The following CDIN1 variants were observed in gnomAD, a reference collection of about 807,000 sequenced individuals.
The protein encoded by CDIN1 is CDAN1-interacting nuclease 1.
CDIN1 carries 33 observed loss-of-function variants against 45.3 expected under a neutral mutation model. The observed-to-expected ratio is 0.73, with a 90% confidence interval of 0.55 to 0.97. The LOEUF (loss-of-function observed/expected upper bound fraction) is 0.97. Ranked by LOEUF, CDIN1 falls within the 50% of genes least tolerant of loss-of-function variation. The pLI, the probability that CDIN1 is intolerant of heterozygous loss-of-function variation, is 0.00. For synonymous variants in CDIN1, 118 were observed against 124.4 expected (o/e 0.95, Z 0.34); for missense variants, 303 against 339.4 (o/e 0.89, Z 0.84).
chr15:36,613,620 C>T, intron 1 of CDIN1: 1 of 1,442,862 alleles, frequency 6.9e-7, no homozygotes, highest in Non-Finnish European at 9.7e-7. Flanking sequence ...GCTGAGGTGG[C>T]CTCCTTGAAC....
At chr15:36,647,989 G>A (rs886719785) in intron 3 of CDIN1, among the ~76,000 whole-genome samples, 7 of 152,132 alleles carry the variant, frequency 4.6e-5, no homozygotes, top group Admixed American at 3.3e-4. Flanking sequence ...ACAGGTGCCC[G>A]CCACCACGCC....
chr15:36,786,576 A>G (rs2054496677), intron 10 of CDIN1, among the ~76,000 whole-genome samples: 1 of 152,202 alleles, frequency 6.6e-6, no homozygotes, highest in South Asian at 2.1e-4. Flanking sequence ...ATGACACACA[A>G]GATCATATTA....
intron 10 of CDIN1, among the ~76,000 whole-genome samples, chr15:36,749,598 T>A (rs573578809): frequency 2.0e-5 from 3 of 152,236 alleles, no homozygotes; most frequent in Non-Finnish European, 4.4e-5. Flanking sequence ...TGTCTGCCGC[T>A]AGATCGGATC....
At chr15:36,799,426 A>ATCTC (rs1446380382) in intron 10 of CDIN1, 2 of 152,160 alleles carry the variant, frequency 1.3e-5, no homozygotes, top group African/African-American at 2.4e-5. Context: ...CAGTGAAATC[A>ATCTC]TCTCAATATA....
intron 10 of CDIN1, among the ~76,000 whole-genome samples, chr15:36,741,633 C>T (rs1217674717): frequency 2.6e-5 from 4 of 152,060 alleles, no homozygotes; most frequent in Admixed American, 1.3e-4. Context: ...ATCAAAGTAT[C>T]GGCAGGGCTG....
chr15:36,684,593 T>G (rs2041972641), intron 5 of CDIN1, among the ~76,000 whole-genome samples: 1 of 152,100 alleles, frequency 6.6e-6, no homozygotes, highest in Non-Finnish European at 1.5e-5. Context: ...GCTGGCCTCA[T>G]AAAATGAGTT....
intron 10 of CDIN1, among the ~76,000 whole-genome samples, chr15:36,734,763 T>C (rs1031469739): frequency 4.6e-5 from 7 of 152,226 alleles, no homozygotes; most frequent in African/African-American, 1.4e-4. Context: ...AATTACTCTT[T>C]CATTGAGAAT....
chr15:36,723,429 G>A (rs1403351570), intron 10 of CDIN1, among the ~76,000 whole-genome samples: 1 of 152,086 alleles, frequency 6.6e-6, no homozygotes, highest in Non-Finnish European at 1.5e-5. Flanking sequence ...GGTATTAAAA[G>A]TGAAGTCATT....
intron 10 of CDIN1, among the ~76,000 whole-genome samples, chr15:36,764,641 A>G (rs73385339): frequency 6.6e-6 from 1 of 152,212 alleles, no homozygotes; most frequent in Non-Finnish European, 1.5e-5. Flanking sequence ...CTTGACCAAC[A>G]GCTTAAATAT....
chr15:36,607,021 C>A (rs963788229), intron 1 of CDIN1, among the ~76,000 whole-genome samples: 2 of 152,148 alleles, frequency 1.3e-5, no homozygotes, highest in African/African-American at 4.8e-5. Flanking sequence ...GTGGCATTTT[C>A]TGGGTTGATC....
chr15:36,754,759 G>T (rs911779806), intron 10 of CDIN1, among the ~76,000 whole-genome samples: 1 of 151,960 alleles, frequency 6.6e-6, no homozygotes, highest in Non-Finnish European at 1.5e-5. Context: ...GGATAAAAAG[G>T]CCTTTAGAAA....
intron 1 of CDIN1, among the ~76,000 whole-genome samples, chr15:36,620,043 G>T (rs184718408): frequency 2.6e-5 from 4 of 151,972 alleles, no homozygotes; most frequent in Admixed American, 2.6e-4. Context: ...GGAAAGAATG[G>T]GGTTTCTTAA....
intron 10 of CDIN1, among the ~76,000 whole-genome samples, chr15:36,724,925 C>T (rs532347836): frequency 2.7e-4 from 41 of 152,160 alleles, no homozygotes; most frequent in Admixed American, 2.6e-3. Flanking sequence ...CCAAAATGTA[C>T]GAACCTAGGG....
At chr15:36,650,972 A>C (rs919681694) in intron 3 of CDIN1, among the ~76,000 whole-genome samples, 1 of 152,002 alleles carries the variant, frequency 6.6e-6, no homozygotes, top group Non-Finnish European at 1.5e-5. Context: ...CTGAGGCAGG[A>C]GAATTGCTTG....
At chr15:36,751,227 TTTTA>T (rs1355692830) in intron 10 of CDIN1, among the ~76,000 whole-genome samples, 3 of 34,396 alleles carry the variant, frequency 8.7e-5, no homozygotes, top group Non-Finnish European at 1.4e-4. Context: ...TATATGCTTA[TTTTA>T]TATATATATA....
chr15:36,679,180 G>T (rs2041761945), intron 5 of CDIN1, among the ~76,000 whole-genome samples: 1 of 152,114 alleles, frequency 6.6e-6, no homozygotes, highest in Non-Finnish European at 1.5e-5. Context: ...ATGTGTGTAT[G>T]GGCTGGGGTG....
chr15:36,703,670 T>C (rs1296174413), intron 8 of CDIN1, among the ~76,000 whole-genome samples: 1 of 152,090 alleles, frequency 6.6e-6, no homozygotes, highest in Non-Finnish European at 1.5e-5. Flanking sequence ...CTGTGATTGC[T>C]GAATTGAATC....
chr15:36,607,840 A>T (rs912925184), intron 1 of CDIN1, among the ~76,000 whole-genome samples: 1 of 152,208 alleles, frequency 6.6e-6, no homozygotes, highest in Non-Finnish European at 1.5e-5. Flanking sequence ...AAAGAAACCC[A>T]GTACCCATCA....
At chr15:36,691,897 C>A (rs2140714150) in intron 6 of CDIN1, 133 bp downstream of exon 6, 2 of 789,814 alleles carry the variant, frequency 2.5e-6, no homozygotes, top group South Asian at 1.8e-5. Flanking sequence ...AATGGCAATG[C>A]AGTATTTGCG....
Sources: allele counts gnomAD v4.1 joint callset (sites outside exome capture counted in the v4.1 genomes callset), GRCh38; gene constraint gnomAD v4.1.1; transcripts MANE v1.5; gene names NCBI Gene and HGNC (gene_info 2026-07-23, HGNC 2026-07-21).